AMPH: variants seen among roughly 807,000 people sequenced by gnomAD.
The protein encoded by AMPH is amphiphysin (Stiff-Mann syndrome with breast cancer 128kD autoantigen).
Under a neutral mutation model 99.1 loss-of-function variants are expected in AMPH, and 49 were observed. That is an observed-to-expected ratio of 0.49 (90% CI 0.39 to 0.63). AMPH has a LOEUF of 0.63. Among genes scored for constraint, AMPH ranks in the 20% least tolerant of loss-of-function variants. AMPH has a pLI of 0.00. For synonymous variants in AMPH, 314 were observed against 317.3 expected (o/e 0.99, Z 0.11); for missense variants, 759 against 863.4 (o/e 0.88, Z 1.52).
At chr7:38,622,992 T>C (rs1794124530) in intron 1 of AMPH, among the ~76,000 whole-genome samples, 1 of 152,162 alleles carries the variant, frequency 6.6e-6, no homozygotes, top group African/African-American at 2.4e-5. Flanking sequence ...ATCCGAATGC[T>C]GGACTCACAT....
intron 11 of AMPH, among the ~76,000 whole-genome samples, chr7:38,451,305 G>A (rs1356185139): frequency 2.9e-5 from 4 of 135,914 alleles, no homozygotes; most frequent in East Asian, 8.5e-4. Context: ...ACATATATAC[G>A]TGTGTATATA....
rs372639890 is a variant in AMPH at position 38,527,646 on chromosome 7, C to T, written c.150+7285G>A. On this transcript the variant is annotated intron_variant, in intron 2 of 20. Transcript: ENST00000356264. ...TCTGTTAGAGTAGTATTTTCGTTGA[C>T]GTCTTGGGATTTTCTATGTACATAA... is the stretch of plus-strand genomic sequence containing the variant. Among the ~76,000 whole-genome samples, 9 of 152,244 alleles carry T rather than the reference C, an allele frequency of 5.9e-5. 1 individual carries two copies. The highest frequency in any genetic ancestry group is 2.1e-4 in the South Asian group (1 of 4,826).
intron 1 of AMPH, among the ~76,000 whole-genome samples, chr7:38,568,760 C>T (rs1404353690): frequency 2.0e-5 from 3 of 152,118 alleles, no homozygotes; most frequent in Non-Finnish European, 4.4e-5. Context: ...ACTTACCACA[C>T]CTTGTGCCCA....
At chr7:38,389,673 G>A in intron 20 of AMPH, 131 bp downstream of exon 20, 1 of 717,588 alleles carries the variant, frequency 1.4e-6, no homozygotes, top group South Asian at 1.8e-5. Flanking sequence ...GCTGTCACAA[G>A]CCCTTAAGCC....
chr7:38,443,273 G>A lies in AMPH; in HGVS notation c.1018-6885C>T, dbSNP rs111301680. Among the ~76,000 whole-genome samples, 8 of 152,006 alleles carry A rather than the reference G, an allele frequency of 5.3e-5. 1 individual carries two copies. Among genetic ancestry groups the A allele is most frequent in the African/African-American group, 1.9e-4 (8 of 41,514 alleles). On this transcript the variant is annotated intron_variant, in intron 11 of 20. Transcript: ENST00000356264. ...AAAACAGAGCCCAGATGAGTTCTCCGATGAATTCTATCAAACCTTTAAGCA... is the reference window on the plus strand; with the variant it reads ...AAAACAGAGCCCAGATGAGTTCTCCAATGAATTCTATCAAACCTTTAAGCA...
chr7:38,557,354 A>G (rs1223730981), intron 1 of AMPH, among the ~76,000 whole-genome samples: 2 of 152,158 alleles, frequency 1.3e-5, no homozygotes, highest in South Asian at 2.1e-4. Context: ...CAATCCTCAC[A>G]TTTTGTGAGA....
rs757918305 is a variant in AMPH at position 38,525,244 on chromosome 7, TTG to T, written c.150+9685_150+9686del. Among the ~76,000 whole-genome samples the T allele has an allele frequency of 2.0e-3, 250 of 122,806 alleles. 5 individuals are homozygous for T. The highest frequency in any genetic ancestry group is 6.4e-3 in the African/African-American group (187 of 29,002). The allele number at this position is 122,806 out of a possible 152,430, so 80.6% of individuals were successfully genotyped here. ...AATATATAGTTGTGTATATATGTAG[TTG>T]TGTGTGTGTGTGTATATATATATAT... On this transcript the variant is annotated intron_variant, in intron 2 of 20. Transcript: ENST00000356264.
rs766949288 is a variant in AMPH at position 38,463,243 on chromosome 7, G to A, written c.750-130C>T. ...CTGTTGTCCTGCTCTCCCCTTCCAGGTTAATTCTGGTTAATTGCAACAGTG... is the reference window on the plus strand; with the variant it reads ...CTGTTGTCCTGCTCTCCCCTTCCAGATTAATTCTGGTTAATTGCAACAGTG... On this transcript the variant is annotated intron_variant, in intron 9 of 20. Transcript: ENST00000356264. The A allele has an allele frequency of 4.3e-6, 5 of 1,155,462 alleles. No individual in the cohort carries two copies. In the African/African-American group the frequency reaches 6.1e-5, roughly 14 times the overall value. The allele number at this position is 1,155,462 out of a possible 1,614,324, so 71.6% of individuals were successfully genotyped here.
chr7:38,475,592 C>T (rs192101738), intron 6 of AMPH, among the ~76,000 whole-genome samples, 176 bp from the exon 7 acceptor site: 1 of 152,248 alleles, frequency 6.6e-6, no homozygotes, highest in East Asian at 1.9e-4. Flanking sequence ...ACTAAGACTC[C>T]CTAAAACTGG....
intron 1 of AMPH, among the ~76,000 whole-genome samples, chr7:38,556,244 G>A (rs185680343): frequency 3.9e-5 from 6 of 152,088 alleles, no homozygotes; most frequent in Admixed American, 6.5e-5. Flanking sequence ...AAATGTGATC[G>A]AATTCCTGCT....
At chr7:38,626,411 C>CT (rs2129072707) in intron 1 of AMPH, among the ~76,000 whole-genome samples, 1 of 152,292 alleles carries the variant, frequency 6.6e-6, no homozygotes, top group Non-Finnish European at 1.5e-5. Flanking sequence ...GCCATCTGAT[C>CT]TTTGACAAAT....
intron 18 of AMPH, among the ~76,000 whole-genome samples, 197 bp downstream of exon 18, chr7:38,393,808 T>A (rs1160750927): frequency 6.6e-6 from 1 of 152,234 alleles, no homozygotes; most frequent in Non-Finnish European, 1.5e-5. Flanking sequence ...AGGGCCTATA[T>A]GCAACATTGC....
rs114061524 is a variant in AMPH, at chr7:38,502,986, C to T, written c.205+664G>A. Among the ~76,000 whole-genome samples, 895 of 152,282 alleles carry T rather than the reference C, an allele frequency of 5.9e-3. 9 individuals are homozygous for T. Among genetic ancestry groups the T allele is most frequent in the African/African-American group, 0.021 (863 of 41,550 alleles). On this transcript the variant is annotated intron_variant, in intron 3 of 20. Transcript: ENST00000356264. ...AATCTGCCTTATGATACATCATATC[C>T]GTGGGCACACTTGGCTGTGACTCAG... is the stretch of plus-strand genomic sequence containing the variant.
rs555336983 is a variant in AMPH at position 38,477,374 on chromosome 7, A to T, written c.397-405T>A. Among the ~76,000 whole-genome samples the T allele has an allele frequency of 2.6e-5, 4 of 152,250 alleles. No individual in the cohort carries two copies. The South Asian group carries it at 8.3e-4, about 32-fold the overall frequency. ...GATTTGGTTTTATAATTCTGATAAC[A>T]CTCACACCAACAGCAATTCTATAAA... On this transcript the variant is annotated intron_variant, in intron 5 of 20. Coordinates refer to ENST00000356264, the MANE Select transcript of AMPH (RefSeq NM_001635.4).
chr7:38,418,024 C>A, intron 16 of AMPH, 74 bp from the exon 17 acceptor site: 2 of 1,483,212 alleles, frequency 1.3e-6, no homozygotes, highest in South Asian at 2.7e-5. Context: ...GAATACTGGA[C>A]AATTAAGATT....
intron 16 of AMPH, chr7:38,420,930 T>C: frequency 8.8e-6 from 4 of 456,430 alleles, no homozygotes; most frequent in South Asian, 6.2e-5. Flanking sequence ...GAATAGTCAA[T>C]GAGCCAAACA....
intron 2 of AMPH, among the ~76,000 whole-genome samples, chr7:38,504,273 GA>G (rs1390534936): frequency 6.6e-6 from 1 of 152,104 alleles, no homozygotes; most frequent in Non-Finnish European, 1.5e-5. Flanking sequence ...GTAGCCACTA[GA>G]AAATTCTAAA....
At chr7:38,608,644 T>C (rs916550982) in intron 1 of AMPH, among the ~76,000 whole-genome samples, 2 of 152,112 alleles carry the variant, frequency 1.3e-5, no homozygotes, top group Non-Finnish European at 2.9e-5. Flanking sequence ...TAATTGTCAC[T>C]ACAGACACCA....
chr7:38,564,854 G>T (rs1014528121), intron 1 of AMPH, among the ~76,000 whole-genome samples: 7 of 152,196 alleles, frequency 4.6e-5, no homozygotes, highest in Non-Finnish European at 8.8e-5. Flanking sequence ...GCCGGGCGCA[G>T]TGGCTCACAC....
Sources: allele counts gnomAD v4.1 joint callset (sites outside exome capture counted in the v4.1 genomes callset), GRCh38; gene constraint gnomAD v4.1.1; transcripts MANE v1.5; gene names NCBI Gene and HGNC (gene_info 2026-07-23, HGNC 2026-07-21).